Variants in RANBP2 observed in about 807,000 individuals in gnomAD.
RANBP2 encodes the protein RAN binding protein 2.
Under a neutral mutation model 303.6 loss-of-function variants are expected in RANBP2, and 57 were observed. The observed-to-expected ratio is 0.19, with a 90% confidence interval of 0.15 to 0.23. RANBP2 has a LOEUF of 0.23. Among genes scored for constraint, RANBP2 ranks in the 10% least tolerant of loss-of-function variants. The probability of loss-of-function intolerance (pLI) is 1.00; values close to 1 mark genes in which losing one functional copy is unlikely to be tolerated. For missense variants in RANBP2, 3,138 were observed against 3,780.8 expected (o/e 0.83, Z 4.46); for synonymous variants, 1,167 against 1,301.5 (o/e 0.90, Z 2.23).
At chr2:109,533,497 A>G in the RANBP2 span, among the ~76,000 whole-genome samples, 1 of 152,220 alleles carries the variant, frequency 6.6e-6, no homozygotes, top group Non-Finnish European at 1.5e-5. Flanking sequence ...CCCAGGCCAT[A>G]TTGACAGAAC....
rs1369887329 is a variant in RANBP2 at position 108,785,805 on chromosome 2, T to G, written c.*1904T>G. On this transcript the variant is annotated 3_prime_UTR_variant, in exon 29 of 29. Transcript: ENST00000283195. ...TTAAAGATAGAATAAAATTCATTAT[T>G]TGTACATCTTAAGTGGTACTTTATG... is the stretch of plus-strand genomic sequence containing the variant. The G allele has an allele frequency of 6.6e-6, 1 of 152,392 alleles. No individual in the cohort carries two copies. The highest frequency in any genetic ancestry group is 1.9e-4 in the East Asian group (1 of 5,190). 9.4% of individuals were successfully genotyped at this position (152,392 alleles called of 1,614,324 possible). A position where few individuals can be genotyped will look rare whatever the true frequency, so the allele number is the denominator to read the frequency against.
chr2:109,144,481 C>T, the RANBP2 span, among the ~76,000 whole-genome samples: 4 of 152,220 alleles, frequency 2.6e-5, no homozygotes, highest in South Asian at 2.1e-4. Flanking sequence ...TGAAGGCTCA[C>T]GCCCAGCTGT....
chr2:109,078,837 A>G, the RANBP2 span, among the ~76,000 whole-genome samples: 3 of 151,908 alleles, frequency 2.0e-5, no homozygotes, highest in East Asian at 5.8e-4. Context: ...AAAAAAAAAA[A>G]AAAAATAGCC....
At chr2:109,619,516 T>C in the RANBP2 span, among the ~76,000 whole-genome samples, 1 of 152,172 alleles carries the variant, frequency 6.6e-6, no homozygotes, top group Non-Finnish European at 1.5e-5. Flanking sequence ...TTCAACTCTG[T>C]TGAATGGCAA....
At chr2:108,956,107 T>A in the RANBP2 span, among the ~76,000 whole-genome samples, 1 of 152,344 alleles carries the variant, frequency 6.6e-6, no homozygotes, top group Non-Finnish European at 1.5e-5. Context: ...TCATTCCCTA[T>A]TGTCTTAATT....
At chr2:109,186,120 T>C in the RANBP2 span, among the ~76,000 whole-genome samples, 1 of 152,278 alleles carries the variant, frequency 6.6e-6, no homozygotes, top group East Asian at 1.9e-4. Context: ...GCAGGCCCTG[T>C]CTCTGTGTCC....
chr2:108,970,887 A>G, the RANBP2 span, among the ~76,000 whole-genome samples: 1 of 152,224 alleles, frequency 6.6e-6, no homozygotes, highest in African/African-American at 2.4e-5. Flanking sequence ...CTGAACAAAT[A>G]CAAGTGATAG....
chr2:109,516,835 T>G, the RANBP2 span, among the ~76,000 whole-genome samples: 1 of 152,242 alleles, frequency 6.6e-6, no homozygotes, highest in Non-Finnish European at 1.5e-5. Context: ...GATCAGTTAC[T>G]TTCCCACGAT....
At chr2:108,741,495 CTTTTTTTTTTTTTTTTTTT>C (rs34872068) in intron 7 of RANBP2, among the ~76,000 whole-genome samples, 2 of 61,784 alleles carry the variant, frequency 3.2e-5, no homozygotes, top group Admixed American at 2.7e-4. Context: ...TGCGCCTGGC[CTTTTTTTTTTTTTTTTTTT>C]TTTTTTTTTG....
the RANBP2 span, among the ~76,000 whole-genome samples, chr2:109,078,225 CGTGTAT>C: frequency 1.9e-4 from 10 of 51,604 alleles, no homozygotes; most frequent in African/African-American, 2.6e-4. Context: ...ATATATATAG[CGTGTAT>C]ATATATATAT....
At chr2:108,869,515 G>A in the RANBP2 span, among the ~76,000 whole-genome samples, 1 of 152,272 alleles carries the variant, frequency 6.6e-6, no homozygotes, top group East Asian at 1.9e-4. Context: ...GGCCAAGGAA[G>A]GCAGTGGTGG....
chr2:108,741,389 C>G (rs143066314), intron 7 of RANBP2, among the ~76,000 whole-genome samples: 7 of 146,202 alleles, frequency 4.8e-5, no homozygotes, highest in Non-Finnish European at 9.0e-5. Context: ...ATAGAGATGG[C>G]GTTTCACCAT....
the RANBP2 span, chr2:109,616,145 C>A: frequency 7.1e-7 from 1 of 1,409,230 alleles, no homozygotes; most frequent in South Asian, 1.8e-5. Flanking sequence ...GAAGTGAGAC[C>A]AGAAGGACAA....
the RANBP2 span, among the ~76,000 whole-genome samples, chr2:108,850,135 T>C: frequency 2.0e-5 from 3 of 152,268 alleles, no homozygotes; most frequent in South Asian, 6.2e-4. Flanking sequence ...TCGTTAAATA[T>C]ACTGAAAAAA....
the RANBP2 span, among the ~76,000 whole-genome samples, chr2:108,968,946 C>T: frequency 6.6e-6 from 1 of 152,214 alleles, no homozygotes; most frequent in Non-Finnish European, 1.5e-5. Flanking sequence ...GATTGTAAGA[C>T]TTCACTGCTC....
chr2:109,026,898 CA>C, the RANBP2 span, among the ~76,000 whole-genome samples: 3 of 151,996 alleles, frequency 2.0e-5, no homozygotes, highest in Admixed American at 1.3e-4. Flanking sequence ...ACTAAAAATA[CA>C]AAAAATTAGC....
At chr2:109,323,943 C>G in the RANBP2 span, among the ~76,000 whole-genome samples, 1 of 152,164 alleles carries the variant, frequency 6.6e-6, no homozygotes. Context: ...AAAAGAAATG[C>G]CATACCTATC....
chr2:108,948,545 G>T, the RANBP2 span, among the ~76,000 whole-genome samples: 7 of 152,156 alleles, frequency 4.6e-5, no homozygotes, highest in Non-Finnish European at 7.3e-5. Context: ...CTGAATGGCT[G>T]GGAGGCCTCA....
the RANBP2 span, among the ~76,000 whole-genome samples, chr2:108,977,814 G>A: frequency 6.6e-6 from 1 of 152,158 alleles, no homozygotes; most frequent in African/African-American, 2.4e-5. Context: ...GCTGAGAGCC[G>A]CACCCTCTTT....
Sources: allele counts gnomAD v4.1 joint callset (sites outside exome capture counted in the v4.1 genomes callset), GRCh38; gene constraint gnomAD v4.1.1; transcripts MANE v1.5; gene names NCBI Gene and HGNC (gene_info 2026-07-23, HGNC 2026-07-21).